Variants in CCDC178 observed in about 807,000 individuals in gnomAD.
CCDC178 encodes the protein coiled-coil domain-containing protein 178.
A neutral mutation model predicts 117.4 loss-of-function variants in CCDC178; 126 were observed. The observed-to-expected ratio is 1.07, with a 90% CI of 0.93 to 1.24. CCDC178 has a LOEUF of 1.24. Ranked by LOEUF, CCDC178 falls within the 50% of genes most tolerant of loss-of-function variation. The pLI is 0.00. For synonymous variants in CCDC178, 283 were observed against 313.4 expected, an observed-to-expected ratio of 0.90 and a Z score of 1.02; for missense variants, 1,030 against 986.9, an observed-to-expected ratio of 1.04 and a Z score of -0.59.
At chr18:33,342,333 G>A (rs1362155898) in intron 9 of CCDC178, among the ~76,000 whole-genome samples, 2 of 152,134 alleles carry the variant, frequency 1.3e-5, no homozygotes, top group Admixed American at 1.3e-4. Flanking sequence ...AGAATATCAG[G>A]AATAGTTATA....
intron 21 of CCDC178, among the ~76,000 whole-genome samples, chr18:33,055,307 A>G (rs2144940834): frequency 6.6e-6 from 1 of 152,128 alleles, no homozygotes; most frequent in East Asian, 1.9e-4. Flanking sequence ...TCATGTGAAA[A>G]AAAATCTGAT....
At chr18:33,335,369 AAT>A (rs1017982026) in intron 9 of CCDC178, among the ~76,000 whole-genome samples, 5 of 151,996 alleles carry the variant, frequency 3.3e-5, no homozygotes, top group Non-Finnish European at 5.9e-5. Context: ...AATGTTTGAT[AAT>A]ATCTTTTTTT....
chr18:33,079,527 C>T (rs1466807773), intron 21 of CCDC178, among the ~76,000 whole-genome samples: 2 of 152,110 alleles, frequency 1.3e-5, no homozygotes, highest in Admixed American at 6.5e-5. Flanking sequence ...GCAAACTGCA[C>T]ATCTGACCAA....
intron 9 of CCDC178, 112 bp from the exon 10 acceptor site, chr18:33,333,506 C>CTTTTTTTTTTTTTTTT (rs11361411): frequency 6.8e-6 from 1 of 147,902 alleles, no homozygotes. Context: ...AATCTTACTA[C>CTTTTTTTTTTTTTTTT]TTTTTTTTTT....
intron 3 of CCDC178, among the ~76,000 whole-genome samples, chr18:33,407,487 A>G (rs1286193745): frequency 3.3e-5 from 5 of 152,154 alleles, no homozygotes; most frequent in African/African-American, 1.2e-4. Context: ...CAGATAATCC[A>G]AAAGTTTTGA....
intron 12 of CCDC178, among the ~76,000 whole-genome samples, chr18:33,284,930 CACAG>C (rs1451321550): frequency 4.6e-5 from 7 of 151,400 alleles, no homozygotes; most frequent in Admixed American, 1.3e-4. Flanking sequence ...CACACACACA[CACAG>C]ACACACACAC....
At chr18:32,961,416 T>C (rs1209175298) in intron 22 of CCDC178, among the ~76,000 whole-genome samples, 1 of 152,122 alleles carries the variant, frequency 6.6e-6, no homozygotes, top group East Asian at 1.9e-4. Flanking sequence ...ACCAACCATA[T>C]TGAGCTTGGT....
chr18:33,222,592 G>A (rs920114409), intron 18 of CCDC178, among the ~76,000 whole-genome samples: 6 of 151,946 alleles, frequency 3.9e-5, no homozygotes, highest in African/African-American at 1.2e-4. Flanking sequence ...TAATCCCAAC[G>A]AGCTCTCATA....
At chr18:33,088,576 T>C (rs539813021) in intron 21 of CCDC178, among the ~76,000 whole-genome samples, 2 of 152,260 alleles carry the variant, frequency 1.3e-5, no homozygotes, top group African/African-American at 4.8e-5. Context: ...CACATTCCAA[T>C]TGCTCATTGC....
chr18:33,147,423 A>G (rs1598931617), intron 20 of CCDC178, among the ~76,000 whole-genome samples: 1 of 100,850 alleles, frequency 9.9e-6, no homozygotes, highest in South Asian at 3.3e-4. Flanking sequence ...GGAGAGGGGG[A>G]TTTGGCAGGG....
At chr18:33,066,953 A>G (rs773661919) in intron 21 of CCDC178, among the ~76,000 whole-genome samples, 1 of 152,216 alleles carries the variant, frequency 6.6e-6, no homozygotes, top group African/African-American at 2.4e-5. Flanking sequence ...CATCGAGACA[A>G]AAAATCAACA....
chr18:33,396,294 T>C (rs1394363295), intron 4 of CCDC178, among the ~76,000 whole-genome samples: 1 of 152,128 alleles, frequency 6.6e-6, no homozygotes, highest in East Asian at 1.9e-4. Context: ...AAAAATCTAA[T>C]ATTGTCAAGT....
chr18:33,287,796 A>G (rs952021772), intron 12 of CCDC178, among the ~76,000 whole-genome samples: 1 of 152,112 alleles, frequency 6.6e-6, no homozygotes, highest in African/African-American at 2.4e-5. Flanking sequence ...ATGAATGAAT[A>G]AATAAATAAA....
intron 2 of CCDC178, among the ~76,000 whole-genome samples, chr18:33,412,315 A>T (rs1236562606): frequency 6.6e-6 from 1 of 151,994 alleles, no homozygotes; most frequent in Non-Finnish European, 1.5e-5. Flanking sequence ...TTAAAGAGGG[A>T]TCTTTGATCT....
At chr18:33,052,802 T>C (rs1292978382) in intron 21 of CCDC178, among the ~76,000 whole-genome samples, 2 of 152,168 alleles carry the variant, frequency 1.3e-5, no homozygotes, top group Non-Finnish European at 2.9e-5. Flanking sequence ...AAAAATTTTT[T>C]TTAACAACTA....
chr18:33,215,850 G>T (rs888573360), intron 18 of CCDC178, among the ~76,000 whole-genome samples, 155 bp from the exon 19 acceptor site: 1 of 152,018 alleles, frequency 6.6e-6, no homozygotes. Flanking sequence ...ACTTTGGGAA[G>T]TCAAAGCAGG....
At chr18:33,374,639 T>C (rs898157699) in intron 5 of CCDC178, among the ~76,000 whole-genome samples, 16 of 152,120 alleles carry the variant, frequency 1.1e-4, no homozygotes, top group African/African-American at 3.9e-4. Flanking sequence ...TATTTCCCCA[T>C]GACAAATAAA....
intron 15 of CCDC178, among the ~76,000 whole-genome samples, chr18:33,244,068 A>G (rs540539079): frequency 6.6e-6 from 1 of 152,122 alleles, no homozygotes; most frequent in South Asian, 2.1e-4. Flanking sequence ...CCATTAGGAG[A>G]GACATAGGTC....
In CCDC178 at chr18:33,357,000, T is replaced by C. The variant is rs144053402; in HGVS notation, c.349-654A>G. 4.4e-4 allele frequency among the ~76,000 whole-genome samples: 65 copies of C among 149,148 alleles called. 1 individual carries two copies. Among genetic ancestry groups the C allele is most frequent in the Middle Eastern group, 3.4e-3 (1 of 294 alleles). On this transcript the variant is annotated intron_variant, in intron 6 of 22. Coordinates refer to ENST00000383096, the MANE Select transcript of CCDC178 (RefSeq NM_001105528.4). ...AGGCTTCATCTACATGACAAGAACT[T>C]TGGCTTTTTTTTTTTAATGGTGAAT... is the stretch of plus-strand genomic sequence containing the variant.
Sources: allele counts gnomAD v4.1 joint callset (sites outside exome capture counted in the v4.1 genomes callset), GRCh38; gene constraint gnomAD v4.1.1; transcripts MANE v1.5; gene names NCBI Gene and HGNC (gene_info 2026-07-23, HGNC 2026-07-21).